Variants in MSH4 observed in about 807,000 individuals in gnomAD.
MSH4 encodes the protein mutS homolog 4.
Under a neutral mutation model 113.7 loss-of-function variants are expected in MSH4, and 106 were observed. The observed-to-expected ratio is 0.93, with a 90% CI of 0.80 to 1.10. The LOEUF (loss-of-function observed/expected upper bound fraction) is 1.10. MSH4 is among the 50% of genes least tolerant of loss of function. The pLI is 0.00. For missense variants in MSH4, 1,061 were observed against 1,093.7 expected (o/e 0.97, Z 0.42); for synonymous variants, 368 against 380.2 (o/e 0.97, Z 0.37).
intron 8 of MSH4, among the ~76,000 whole-genome samples, chr1:75,853,525 G>T (rs1457732695): frequency 1.3e-5 from 2 of 152,096 alleles, no homozygotes; most frequent in African/African-American, 2.4e-5. Flanking sequence ...GTGTAAAATT[G>T]CTGCACAATT....
intron 8 of MSH4, among the ~76,000 whole-genome samples, chr1:75,849,811 A>G (rs906671411): frequency 8.5e-5 from 13 of 152,184 alleles, no homozygotes; most frequent in Non-Finnish European, 1.8e-4. Flanking sequence ...AAGCCATTAA[A>G]GCCTGGAATT....
At chr1:75,813,548 A>T (rs1040677828) in intron 4 of MSH4, among the ~76,000 whole-genome samples, 11 of 152,174 alleles carry the variant, frequency 7.2e-5, no homozygotes, top group African/African-American at 2.4e-4. Context: ...TTGATATTTT[A>T]TATAGGGTAA....
chr1:75,873,385 A>G (rs1651753394), intron 9 of MSH4, among the ~76,000 whole-genome samples: 1 of 152,176 alleles, frequency 6.6e-6, no homozygotes, highest in African/African-American at 2.4e-5. Flanking sequence ...ATGAAGAGTA[A>G]ATACAAAAAC....
At position 75,797,381 on chromosome 1, in the gene MSH4, T is replaced by C. The variant is rs547762233; in HGVS notation, c.244+152T>C. ...GCCCTGGGAATTTGGTGAGTCTGGG[T>C]GATTAGAAGCCTTGACTTTTCAAAT... On this transcript the variant is annotated intron_variant, in intron 1 of 19. Coordinates refer to ENST00000263187, the MANE Select transcript of MSH4 (RefSeq NM_002440.4). The C allele has an allele frequency of 7.2e-6, 8 of 1,109,698 alleles. No homozygotes were observed. In the South Asian group the frequency reaches 1.3e-4, roughly 18 times the overall value. The allele number at this position is 1,109,698 out of a possible 1,614,324, so 68.7% of individuals were successfully genotyped here.
At chr1:75,850,789 C>T (rs1651169445) in intron 8 of MSH4, among the ~76,000 whole-genome samples, 1 of 152,014 alleles carries the variant, frequency 6.6e-6, no homozygotes, top group Non-Finnish European at 1.5e-5. Flanking sequence ...TCAAAATCTC[C>T]AAATGTAATT....
intron 19 of MSH4, among the ~76,000 whole-genome samples, chr1:75,909,610 A>AGG (rs1652744256): frequency 6.6e-6 from 1 of 152,000 alleles, no homozygotes; most frequent in African/African-American, 2.4e-5. Flanking sequence ...CGCATGCATT[A>AGG]GATATTTGTC....
chr1:75,818,885 C>T (rs1387988475), intron 6 of MSH4, among the ~76,000 whole-genome samples: 1 of 152,046 alleles, frequency 6.6e-6, no homozygotes, highest in Non-Finnish European at 1.5e-5. Flanking sequence ...GCCTCAGCCT[C>T]CCAAGTAGCT....
intron 1 of MSH4, among the ~76,000 whole-genome samples, chr1:75,798,060 A>G (rs1649857524): frequency 6.6e-6 from 1 of 152,242 alleles, no homozygotes; most frequent in Non-Finnish European, 1.5e-5. Context: ...TGGTAAAGTA[A>G]CAAATACCAA....
chr1:75,857,609 G>A (rs1651349313), intron 8 of MSH4, among the ~76,000 whole-genome samples: 1 of 152,082 alleles, frequency 6.6e-6, no homozygotes, highest in Non-Finnish European at 1.5e-5. Flanking sequence ...CATGTGTGGT[G>A]TTATTTCTGA....
chr1:75,834,918 A>G (rs1282479192), intron 7 of MSH4, among the ~76,000 whole-genome samples: 4 of 152,242 alleles, frequency 2.6e-5, no homozygotes, highest in African/African-American at 9.6e-5. Context: ...AACTTAAAGT[A>G]TAATAATAAT....
chr1:75,848,078 TAAAG>T (rs1488403181), intron 7 of MSH4, 127 bp from the exon 8 acceptor site: 3 of 555,646 alleles, frequency 5.4e-6, no homozygotes, highest in African/African-American at 1.9e-5. Flanking sequence ...GTAAGATAGT[TAAAG>T]AAGACAAAAA....
chr1:75,811,212 T>C (rs971583761), intron 4 of MSH4, among the ~76,000 whole-genome samples: 2 of 152,136 alleles, frequency 1.3e-5, no homozygotes, highest in African/African-American at 4.8e-5. Flanking sequence ...AATAATATCA[T>C]TATAAAGAAC....
intron 7 of MSH4, among the ~76,000 whole-genome samples, chr1:75,831,795 G>T (rs1570955068): frequency 6.6e-6 from 1 of 152,242 alleles, no homozygotes; most frequent in South Asian, 2.1e-4. Context: ...AGTGTGTAGA[G>T]GGAAGTTTAT....
At chr1:75,905,486 C>CT (rs1652604802) in intron 19 of MSH4, among the ~76,000 whole-genome samples, 1 of 152,020 alleles carries the variant, frequency 6.6e-6, no homozygotes. Context: ...ATCCTGGAGA[C>CT]TGTTTCATGT....
intron 5 of MSH4, 133 bp from the exon 6 acceptor site, chr1:75,816,240 A>G (rs1332639107): frequency 2.1e-6 from 1 of 479,388 alleles, no homozygotes; most frequent in Non-Finnish European, 3.5e-6. Flanking sequence ...TTTCAAAAAT[A>G]TGAAATACCT....
intron 8 of MSH4, 99 bp downstream of exon 8, chr1:75,848,375 G>A (rs1651119407): frequency 1.1e-6 from 1 of 932,772 alleles, no homozygotes; most frequent in Admixed American, 2.3e-5. Context: ...AAATGTTTTG[G>A]GAAAGTCCTT....
intron 19 of MSH4, among the ~76,000 whole-genome samples, chr1:75,908,071 T>C (rs67487205): frequency 0.2 from 29,998 of 150,480 alleles, 3,173 homozygotes; most frequent in Middle Eastern, 0.27. Flanking sequence ...CTGTAGTTTT[T>C]TTAAGTTCAA....
chr1:75,873,070 T>A (rs1022873619), intron 9 of MSH4, among the ~76,000 whole-genome samples: 4 of 152,234 alleles, frequency 2.6e-5, no homozygotes, highest in African/African-American at 9.6e-5. Context: ...TAAAACCTTG[T>A]GTCTTTGCTG....
At chr1:75,811,152 A>G (rs1251060490) in intron 4 of MSH4, among the ~76,000 whole-genome samples, 3 of 152,190 alleles carry the variant, frequency 2.0e-5, no homozygotes, top group Non-Finnish European at 4.4e-5. Flanking sequence ...GATTACAGGC[A>G]TGAGTGAGTC....
Sources: allele counts gnomAD v4.1 joint callset (sites outside exome capture counted in the v4.1 genomes callset), GRCh38; gene constraint gnomAD v4.1.1; transcripts MANE v1.5; gene names NCBI Gene and HGNC (gene_info 2026-07-23, HGNC 2026-07-21).